Variants in ZBTB46 observed in about 807,000 individuals in gnomAD.
The protein encoded by ZBTB46 is zinc finger and BTB domain-containing protein 46.
In ZBTB46, 8 loss-of-function variants were observed where a neutral mutation model predicts 44.1. The observed-to-expected ratio is 0.18, with a 90% confidence interval of 0.11 to 0.33. The LOEUF (loss-of-function observed/expected upper bound fraction) is 0.33, where lower values mean the gene tolerates loss of function less well. Ranked by LOEUF, ZBTB46 falls within the 10% of genes least tolerant of loss-of-function variation. The probability of loss-of-function intolerance (pLI) is 1.00; values close to 1 mark genes in which losing one functional copy is unlikely to be tolerated. For synonymous variants in ZBTB46, 409 were observed against 382.3 expected (o/e 1.07, Z -0.81); for missense variants, 651 against 847.7 (o/e 0.77, Z 2.88).
At chr20:63,800,504 C>T (rs1003513647) in intron 1 of ZBTB46, among the ~76,000 whole-genome samples, 6 of 152,258 alleles carry the variant, frequency 3.9e-5, no homozygotes, top group African/African-American at 7.2e-5. Flanking sequence ...CTGTGGGAGC[C>T]CCTTCCTGGG....
chr20:63,769,479 T>G, intron 3 of ZBTB46: 1 of 980,926 alleles, frequency 1.0e-6, no homozygotes, highest in Non-Finnish European at 1.2e-6. Flanking sequence ...CTTCCCGGCA[T>G]GCGGTGTGAG....
chr20:63,801,508 G>A (rs1426816445), intron 1 of ZBTB46, among the ~76,000 whole-genome samples: 1 of 152,168 alleles, frequency 6.6e-6, no homozygotes, highest in Non-Finnish European at 1.5e-5. Flanking sequence ...AACCAGCAGT[G>A]GCAACTTGCT....
chr20:63,789,766 G>C, intron 2 of ZBTB46, 55 bp downstream of exon 2: 4 of 1,553,386 alleles, frequency 2.6e-6, no homozygotes, highest in Non-Finnish European at 3.5e-6. Context: ...GCACGCGGCC[G>C]TGAGGCCTGG....
At chr20:63,820,167 C>G (rs1245206460) in intron 1 of ZBTB46, among the ~76,000 whole-genome samples, 2 of 152,090 alleles carry the variant, frequency 1.3e-5, no homozygotes, top group East Asian at 3.9e-4. Flanking sequence ...GATTTCGGCT[C>G]ACTGCAAGCT....
intron 4 of ZBTB46, among the ~76,000 whole-genome samples, chr20:63,749,207 C>G (rs1601385114): frequency 6.6e-6 from 1 of 152,264 alleles, no homozygotes; most frequent in African/African-American, 2.4e-5. Flanking sequence ...TCAGGGGCAG[C>G]TGGTGGCTTT....
upstream of ZBTB46, chr20:63,831,299 C>A (rs1389130382): frequency 9.0e-6 from 1 of 110,762 alleles, no homozygotes; most frequent in Non-Finnish European, 1.9e-5. Context: ...CGGCCCCCGC[C>A]GCCCGCGCGC....
intron 3 of ZBTB46, among the ~76,000 whole-genome samples, chr20:63,763,426 G>A (rs1464101580): frequency 6.6e-6 from 1 of 152,180 alleles, no homozygotes; most frequent in East Asian, 1.9e-4. Context: ...CAGGAAGCAT[G>A]GTGGCATCAG....
At chr20:63,813,966 GGCTCACGCCTGTA>G (rs2092732739) in intron 1 of ZBTB46, among the ~76,000 whole-genome samples, 1 of 152,230 alleles carries the variant, frequency 6.6e-6, no homozygotes, top group African/African-American at 2.4e-5. Flanking sequence ...CGGGCGCGGT[GGCTCACGCCTGTA>G]ATCCCAGCAC....
Position 63,821,379 on chromosome 20 carries a change from C to T in ZBTB46, c.-34+9718G>A, listed in dbSNP as rs536579572. On this transcript the variant is annotated intron_variant, in intron 1 of 4. Transcript: ENST00000245663. ...TGTTGCCCAGGGTGGCCTTAAACTC[C>T]TGGGCTCAAACGCTCCTCCTGCCTC... 9.3e-5 allele frequency among the ~76,000 whole-genome samples: 14 copies of T among 151,344 alleles called. 1 individual carries two copies. Among genetic ancestry groups the T allele is most frequent in the Admixed American group, 5.3e-4 (8 of 15,144 alleles).
chr20:63,791,842 T>C (rs2092563488), intron 1 of ZBTB46, among the ~76,000 whole-genome samples: 1 of 152,212 alleles, frequency 6.6e-6, no homozygotes, highest in Non-Finnish European at 1.5e-5. Context: ...CTGTCTCTCC[T>C]TAGACTCAGG....
chr20:63,781,140 C>CAAA (rs58102231), intron 2 of ZBTB46, among the ~76,000 whole-genome samples: 317 of 83,640 alleles, frequency 3.8e-3, no homozygotes, highest in African/African-American at 5.6e-3. Context: ...GACTCTGCCT[C>CAAA]AAAAAAAAAA....
chr20:63,765,091 ATGTGTATGTGTGGTTG>A (rs1265990642), intron 3 of ZBTB46, among the ~76,000 whole-genome samples: 2 of 131,854 alleles, frequency 1.5e-5, no homozygotes, highest in East Asian at 2.0e-4. Flanking sequence ...GCATGTGTGC[ATGTGTATGTGTGGTTG>A]TGTGTGTGTG....
chr20:63,749,498 AG>A (rs2092138316), intron 4 of ZBTB46, among the ~76,000 whole-genome samples: 1 of 151,954 alleles, frequency 6.6e-6, no homozygotes, highest in Admixed American at 6.6e-5. Context: ...CACCACGCCC[AG>A]CTAATTTTTT....
Position 63,789,884 on chromosome 20 carries a change from C to G in ZBTB46, c.874G>C (p.Ala292Pro), listed in dbSNP as rs779024133. The stretch of plus-strand genomic sequence containing the variant: ...AGGAAGGACGGCACCGGGGAGCTGG[C>G]CCGGCTGTCATCTTCCACCTGCTGT... Reference protein sequence around the residue: ...ITQQVEDDSRASSPVPSFLPT... With the variant: ...ITQQVEDDSRPSSPVPSFLPT... The change falls in exon 2 of 5, where the codon GCC becomes CCC. Residue 292 changes from alanine to proline, a missense_variant. Ala to Pro is a conservative substitution (Grantham distance 27). Around this residue, in one of 5 missense-constraint regions of ZBTB46, gnomAD observed 385 missense variants for 423.3 expected, o/e 0.91. Coordinates refer to ENST00000245663, the MANE Select transcript of ZBTB46 (RefSeq NM_001369741.1). 7.4e-6 allele frequency: 12 copies of G among 1,613,698 alleles called. No homozygotes were observed. The Admixed American group carries it at 2.0e-4, about 27-fold the overall frequency.
At chr20:63,773,919 T>TA (rs1448726021) in intron 3 of ZBTB46, among the ~76,000 whole-genome samples, 15 of 152,206 alleles carry the variant, frequency 9.9e-5, no homozygotes, top group African/African-American at 3.6e-4. Flanking sequence ...TGCTGACAAG[T>TA]ACACTTTTGC....
chr20:63,793,743 A>G (rs1031441971), intron 1 of ZBTB46, among the ~76,000 whole-genome samples: 3 of 152,246 alleles, frequency 2.0e-5, no homozygotes, highest in Non-Finnish European at 4.4e-5. Flanking sequence ...ACAACGGTTC[A>G]CATCTCCACA....
Position 63,746,746 on chromosome 20 carries a change from C to T in ZBTB46, c.*184G>A, listed in dbSNP as rs1169712843. 108 of 931,220 alleles carry T rather than the reference C, an allele frequency of 1.2e-4. No individual in the cohort carries two copies. Among genetic ancestry groups the T allele is most frequent in the Non-Finnish European group, 1.6e-4 (108 of 665,130 alleles). 57.7% of individuals were successfully genotyped at this position (931,220 alleles called of 1,614,324 possible). A position where few individuals can be genotyped will look rare whatever the true frequency, so the allele number is the denominator to read the frequency against. On this transcript the variant is annotated 3_prime_UTR_variant, in exon 5 of 5. Coordinates refer to ENST00000245663, the MANE Select transcript of ZBTB46 (RefSeq NM_001369741.1). The stretch of plus-strand genomic sequence containing the variant: ...ACTTCATGTCTGGTCCCAGAGCACC[C>T]CTCTTGCTGGGGTCGCACCTGCTTA...
intron 3 of ZBTB46, among the ~76,000 whole-genome samples, chr20:63,762,898 G>A (rs760795337): frequency 7.9e-5 from 12 of 151,868 alleles, no homozygotes; most frequent in African/African-American, 2.2e-4. Flanking sequence ...GTGTTGCTCC[G>A]TTACCCACGC....
At chr20:63,754,126 G>A (rs7273624) in intron 3 of ZBTB46, among the ~76,000 whole-genome samples, 70,436 of 152,074 alleles carry the variant, frequency 0.46, 17,577 homozygotes, top group African/African-American at 0.63. Context: ...AGAAAACCCC[G>A]GAGGCCCCGC....
Sources: allele counts gnomAD v4.1 joint callset (sites outside exome capture counted in the v4.1 genomes callset), GRCh38; gene constraint gnomAD v4.1.1; regional missense constraint gnomAD v4.1.1; transcripts MANE v1.5; gene names NCBI Gene and HGNC (gene_info 2026-07-23, HGNC 2026-07-21).